ALPK2: variants seen among roughly 807,000 people sequenced by gnomAD.
The protein encoded by ALPK2 is alpha-protein kinase 2.
ALPK2 carries 127 observed loss-of-function variants against 163.1 expected under a neutral mutation model. The ratio of observed to expected loss-of-function variants is 0.78; its 90% CI spans 0.67 to 0.90. The LOEUF is 0.90. Among genes scored for constraint, ALPK2 ranks in the 40% least tolerant of loss-of-function variants. ALPK2 has a pLI of 0.00. For synonymous variants in ALPK2, 953 were observed against 959.1 expected (o/e 0.99, Z 0.12); for missense variants, 2,360 against 2,589.6 (o/e 0.91, Z 1.92).
chr18:58,602,457 C>A (rs1019900112), intron 3 of ALPK2, among the ~76,000 whole-genome samples: 1 of 152,176 alleles, frequency 6.6e-6, no homozygotes. Context: ...AGGGAAGACT[C>A]TTCTCTTGCC....
At chr18:58,573,222 A>G (rs1232220019) in intron 4 of ALPK2, among the ~76,000 whole-genome samples, 4 of 133,558 alleles carry the variant, frequency 3.0e-5, no homozygotes, top group African/African-American at 8.7e-5. Context: ...ATGTATATAT[A>G]TGTGTATATG....
intron 10 of ALPK2, among the ~76,000 whole-genome samples, chr18:58,505,018 G>A (rs1009970609): frequency 4.6e-5 from 7 of 152,116 alleles, no homozygotes; most frequent in Non-Finnish European, 7.4e-5. Flanking sequence ...GTCAGGCCTT[G>A]GGGGACCTGG....
intron 11 of ALPK2, among the ~76,000 whole-genome samples, chr18:58,499,914 A>G (rs1167756723): frequency 1.3e-5 from 2 of 152,232 alleles, no homozygotes; most frequent in Non-Finnish European, 2.9e-5. Flanking sequence ...GTGGTTCCCC[A>G]CCCAAGTGGA....
chr18:58,524,242 T>G (rs1024580821), intron 6 of ALPK2, among the ~76,000 whole-genome samples, 180 bp from the exon 7 acceptor site: 2 of 151,464 alleles, frequency 1.3e-5, no homozygotes, highest in East Asian at 3.9e-4. Flanking sequence ...CAGAGGAGAG[T>G]CATTACATTT....
At chr18:58,539,532 T>C (rs1025652953) in intron 4 of ALPK2, among the ~76,000 whole-genome samples, 1 of 152,232 alleles carries the variant, frequency 6.6e-6, no homozygotes, top group African/African-American at 2.4e-5. Context: ...AGAAAACTTA[T>C]GTCCAGCCAA....
chr18:58,619,840 G>A (rs943357665), intron 1 of ALPK2, among the ~76,000 whole-genome samples: 22 of 152,144 alleles, frequency 1.4e-4, no homozygotes, highest in African/African-American at 5.1e-4. Flanking sequence ...ACAAAGACTC[G>A]CACACAACTG....
rs764341566 is a variant in ALPK2 at position 58,538,228 on chromosome 18, G to A, written c.1963-4C>T. 1.6e-5 allele frequency: 26 copies of A among 1,605,082 alleles called. No individual in the cohort carries two copies. Among genetic ancestry groups the A allele is most frequent in the Non-Finnish European group, 1.8e-5 (21 of 1,178,542 alleles). On this transcript the variant is annotated splice_polypyrimidine_tract_variant and splice_region_variant and intron_variant, in intron 4 of 12. Coordinates refer to ENST00000361673, the MANE Select transcript of ALPK2 (RefSeq NM_052947.4). ...TGACTGTTTCCTGAACTTGTACCTA[G>A]GAAGATGAAAAGTGATATTAGTAGA... is the stretch of plus-strand genomic sequence containing the variant.
intron 4 of ALPK2, among the ~76,000 whole-genome samples, chr18:58,545,657 G>A (rs867955641): frequency 2.6e-5 from 4 of 152,196 alleles, no homozygotes; most frequent in East Asian, 1.9e-4. Flanking sequence ...TCAGTCTTCC[G>A]TGTGCCAACA....
chr18:58,566,709 G>A (rs577504172), intron 4 of ALPK2: 2 of 152,262 alleles, frequency 1.3e-5, no homozygotes, highest in African/African-American at 4.8e-5. Context: ...CAATAAATCA[G>A]GATCTGTACT....
intron 4 of ALPK2, 33 bp from the exon 5 acceptor site, chr18:58,538,257 G>T (rs1277616423): frequency 3.8e-6 from 6 of 1,572,336 alleles, no homozygotes; most frequent in Admixed American, 1.7e-5. Flanking sequence ...TAGTAGAATT[G>T]TTCATGGGAG....
At chr18:58,611,842 ATC>A (rs775306262) in intron 1 of ALPK2, 25 bp from the exon 2 acceptor site, 60 of 1,339,818 alleles carry the variant, frequency 4.5e-5, no homozygotes, top group Non-Finnish European at 6.1e-5. Flanking sequence ...AATCCCCGAC[ATC>A]ACCATTTGTT....
chr18:58,532,960 T>A (rs558647420), intron 5 of ALPK2, among the ~76,000 whole-genome samples: 96 of 152,262 alleles, frequency 6.3e-4, no homozygotes, highest in African/African-American at 2.2e-3. Flanking sequence ...CCCGCTAGTA[T>A]CTCTAACTGA....
At chr18:58,585,806 C>G (rs1201127947) in intron 3 of ALPK2, among the ~76,000 whole-genome samples, 1 of 151,958 alleles carries the variant, frequency 6.6e-6, no homozygotes, top group African/African-American at 2.4e-5. Flanking sequence ...GCCTCAGCCT[C>G]CCAAGTAGCT....
chr18:58,504,755 C>G (rs182804958), intron 10 of ALPK2, among the ~76,000 whole-genome samples: 1 of 152,108 alleles, frequency 6.6e-6, no homozygotes. Context: ...GAAGAGGAGA[C>G]GGGCATGCGG....
intron 8 of ALPK2, among the ~76,000 whole-genome samples, 191 bp from the exon 9 acceptor site, chr18:58,517,373 G>A (rs1238223984): frequency 6.6e-6 from 1 of 152,216 alleles, no homozygotes; most frequent in Non-Finnish European, 1.5e-5. Context: ...GTGAGGAGGA[G>A]ACAGGTCATT....
At position 58,579,678 on chromosome 18, in the gene ALPK2, G is replaced by A. The variant is rs762606578; in HGVS notation, c.1098C>T (p.Phe366=). Residue 366 remains phenylalanine (F), a synonymous_variant, in exon 4 of 13, where the codon TTC becomes TTT. Coordinates refer to ENST00000361673, the MANE Select transcript of ALPK2 (RefSeq NM_052947.4). Reference sequence around the variant, plus strand: ...CACACCCACCCAGGCAATGCTCACCGAATTCCATCTCTTCGTCATCGCTTT... The same window carrying A: ...CACACCCACCCAGGCAATGCTCACCAAATTCCATCTCTTCGTCATCGCTTT... ...LLESDDEEME[F]GEHCLGGCEH... The A allele has an allele frequency of 9.9e-6, 16 of 1,613,918 alleles. No individual in the cohort carries two copies. The highest frequency in any genetic ancestry group is 1.7e-5 in the Admixed American group (1 of 60,004).
At chr18:58,533,224 G>T (rs939191866) in intron 5 of ALPK2, among the ~76,000 whole-genome samples, 2 of 152,138 alleles carry the variant, frequency 1.3e-5, no homozygotes, top group Non-Finnish European at 2.9e-5. Flanking sequence ...CTTTGACGGC[G>T]ATTGATTTCA....
chr18:58,545,793 C>A (rs1349066384), intron 4 of ALPK2, among the ~76,000 whole-genome samples: 1 of 152,146 alleles, frequency 6.6e-6, no homozygotes, highest in Non-Finnish European at 1.5e-5. Context: ...GTTGTCTACA[C>A]ATCATCAATT....
intron 1 of ALPK2, among the ~76,000 whole-genome samples, chr18:58,619,939 G>C (rs2052189415): frequency 6.6e-6 from 1 of 152,244 alleles, no homozygotes. Context: ...TAGTGAATGG[G>C]TAGACAAAAT....
Sources: allele counts gnomAD v4.1 joint callset (sites outside exome capture counted in the v4.1 genomes callset), GRCh38; gene constraint gnomAD v4.1.1; transcripts MANE v1.5; gene names NCBI Gene and HGNC (gene_info 2026-07-23, HGNC 2026-07-21).